The following PIK3C2A variants were observed in gnomAD, a reference collection of about 807,000 sequenced individuals.
PIK3C2A encodes the protein phosphatidylinositol-4-phosphate 3-kinase catalytic subunit type 2 alpha, also known as phosphatidylinositol 4-phosphate 3-kinase C2 domain-containing subunit alpha.
A neutral mutation model predicts 204.5 loss-of-function variants in PIK3C2A; 97 were observed. The ratio of observed to expected loss-of-function variants is 0.47; its 90% CI spans 0.40 to 0.56. The LOEUF is 0.56. Ranked by LOEUF, PIK3C2A falls within the 20% of genes least tolerant of loss-of-function variation. The pLI is 0.00. For missense variants in PIK3C2A, 1,735 were observed against 1,969.2 expected, an observed-to-expected ratio of 0.88 and a Z score of 2.25; for synonymous variants, 653 against 664.4, an observed-to-expected ratio of 0.98 and a Z score of 0.26.
chr11:17,148,795 A>C lies in PIK3C2A; in HGVS notation c.1328-8T>G. The C allele has an allele frequency of 1.2e-6, 2 of 1,604,226 alleles. No individual in the cohort carries two copies. Among genetic ancestry groups the C allele is most frequent in the Non-Finnish European group, 1.7e-6 (2 of 1,173,512 alleles). On this transcript the variant is annotated splice_region_variant and splice_polypyrimidine_tract_variant and intron_variant, in intron 4 of 32. Coordinates refer to ENST00000691414, the MANE Select transcript of PIK3C2A (RefSeq NM_002645.4). ...TTTCTACAGTAGAACTCACTGTAAAAGAGTTAGTCATTATTTTCACTTTGC... is the reference window on the plus strand; with the variant it reads ...TTTCTACAGTAGAACTCACTGTAAACGAGTTAGTCATTATTTTCACTTTGC...
chr11:17,188,425 T>C (rs560028498), intron 1 of PIK3C2A, among the ~76,000 whole-genome samples: 5 of 146,634 alleles, frequency 3.4e-5, no homozygotes, highest in Admixed American at 1.3e-4. Flanking sequence ...AGCCCTTTAA[T>C]AGAGAGAGAG....
At chr11:17,186,721 A>G (rs1224944928) in intron 1 of PIK3C2A, among the ~76,000 whole-genome samples, 1 of 152,216 alleles carries the variant, frequency 6.6e-6, no homozygotes, top group Non-Finnish European at 1.5e-5. Context: ...GTCAGACCAA[A>G]ACACATTCCT....
At chr11:17,172,538 T>C (rs1429321357) in intron 1 of PIK3C2A, among the ~76,000 whole-genome samples, 1 of 152,232 alleles carries the variant, frequency 6.6e-6, no homozygotes. Flanking sequence ...CAGAATCATT[T>C]TGGAATGATT....
At chr11:17,168,066 A>C (rs559754931) in intron 2 of PIK3C2A, among the ~76,000 whole-genome samples, 1 of 152,230 alleles carries the variant, frequency 6.6e-6, no homozygotes, top group Non-Finnish European at 1.5e-5. Context: ...ATATGTAATG[A>C]GGAGACATGG....
At chr11:17,106,327 A>G (rs61879699) in intron 22 of PIK3C2A, among the ~76,000 whole-genome samples, 13,517 of 145,998 alleles carry the variant, frequency 0.093, 783 homozygotes, top group Middle Eastern at 0.24. Flanking sequence ...CATGAGAATT[A>G]CTTGAACCCA....
At chr11:17,149,021 A>T (rs574880142) in intron 4 of PIK3C2A, among the ~76,000 whole-genome samples, 90 of 152,286 alleles carry the variant, frequency 5.9e-4, no homozygotes, top group African/African-American at 1.9e-3. Context: ...CCCTCTATAT[A>T]TGTTGGTTCT....
chr11:17,130,404 TAAAAG>T (rs901357934), intron 12 of PIK3C2A, among the ~76,000 whole-genome samples: 22 of 152,104 alleles, frequency 1.4e-4, no homozygotes, highest in Non-Finnish European at 2.6e-4. Context: ...TTTTATAATA[TAAAAG>T]AAAATAAGAC....
intron 8 of PIK3C2A, among the ~76,000 whole-genome samples, chr11:17,140,304 T>TC (rs1267122673): frequency 1.3e-5 from 2 of 152,058 alleles, no homozygotes; most frequent in African/African-American, 4.8e-5. Context: ...CTTCTTGATC[T>TC]CCCCCTAAAA....
intron 1 of PIK3C2A, among the ~76,000 whole-genome samples, chr11:17,192,692 C>A (rs1412264727): frequency 6.6e-6 from 1 of 152,158 alleles, no homozygotes; most frequent in Non-Finnish European, 1.5e-5. Context: ...AGTGATCTGC[C>A]CTCCTCAGCC....
chr11:17,192,898 T>A (rs1216209176), intron 1 of PIK3C2A, among the ~76,000 whole-genome samples: 2 of 152,258 alleles, frequency 1.3e-5, no homozygotes, highest in African/African-American at 4.8e-5. Flanking sequence ...GAAATTTAAT[T>A]GCCATTGTGA....
chr11:17,174,769 C>T (rs1055926000), intron 1 of PIK3C2A, among the ~76,000 whole-genome samples: 2 of 151,812 alleles, frequency 1.3e-5, no homozygotes, highest in Admixed American at 6.6e-5. Context: ...TGTGGTGGCA[C>T]GCCAGGCCTG....
rs1302180723 is a variant in PIK3C2A, at chr11:17,094,283, A to G, written c.4429T>C (p.Phe1477Leu). The G allele has an allele frequency of 6.2e-7, 1 of 1,611,110 alleles. No homozygotes were observed. The highest frequency in any genetic ancestry group is 8.5e-7 in the Non-Finnish European group (1 of 1,177,490). The change falls in exon 28 of 33, where the codon TTT (phenylalanine) becomes CTT (leucine). Residue 1477 changes from phenylalanine to leucine, a missense_variant. Around this residue, in one of 6 missense-constraint regions of PIK3C2A, gnomAD observed 503 missense variants for 669.0 expected, o/e 0.75. Transcript: ENST00000691414. Reference protein sequence around the residue: ...QELHNKLSIIFPLWKLPGFPN... With the variant: ...QELHNKLSIILPLWKLPGFPN... The stretch of plus-strand genomic sequence containing the variant: ...TACCCTGGTAACTTCCAAAGTGGAA[A>G]AATAATACTGAGCTTATTGTGAAGT...
At chr11:17,148,302 T>C (rs1463634571) in intron 5 of PIK3C2A, 1 of 160,414 alleles carries the variant, frequency 6.2e-6, no homozygotes, top group Non-Finnish European at 1.4e-5. Context: ...CACAGCTGAC[T>C]ACTGTGCATA....
rs1313112941 is a variant in PIK3C2A, at chr11:17,169,695, GA to G, written c.46del (p.Ser16HisfsTer24). 1 of 1,608,836 alleles carries G rather than the reference GA, an allele frequency of 6.2e-7. No individual in the cohort carries two copies. The highest frequency in any genetic ancestry group is 8.5e-7 in the Non-Finnish European group (1 of 1,179,722). The stretch of plus-strand genomic sequence containing the variant: ...TTTTGCTCTTGTTGGTTCCGGATGT[GA>G]AGATGGACATTCTTTAAATCCGCTG... ...SNSGFKECPS[S>X]HPEPTRAKDV... On this transcript the variant is annotated frameshift_variant, in exon 2 of 33. Transcript: ENST00000691414. LOFTEE classifies it high-confidence loss of function.
chr11:17,203,942 C>G (rs925928615), intron 1 of PIK3C2A, among the ~76,000 whole-genome samples: 1 of 152,072 alleles, frequency 6.6e-6, no homozygotes, highest in African/African-American at 2.4e-5. Flanking sequence ...GGCGTGGTGG[C>G]GGGCGCCTGT....
At chr11:17,138,522 G>C (rs1246568635) in intron 8 of PIK3C2A, among the ~76,000 whole-genome samples, 1 of 152,114 alleles carries the variant, frequency 6.6e-6, no homozygotes, top group Non-Finnish European at 1.5e-5. Context: ...CTAAGGTTCG[G>C]GGAGAGACTT....
intron 1 of PIK3C2A, among the ~76,000 whole-genome samples, chr11:17,181,497 T>A (rs982362896): frequency 2.0e-5 from 3 of 151,050 alleles, no homozygotes; most frequent in Non-Finnish European, 4.4e-5. Context: ...AGGCGCTGGG[T>A]GTGGCATGCC....
At position 17,112,680 on chromosome 11, in the gene PIK3C2A, A is replaced by C; in HGVS notation, c.3322-14T>G. The C allele has an allele frequency of 7.5e-7, 1 of 1,332,222 alleles. No individual in the cohort carries two copies. Among genetic ancestry groups the C allele is most frequent in the Non-Finnish European group, 1.0e-6 (1 of 972,898 alleles). The allele number at this position is 1,332,222 out of a possible 1,614,324, so 82.5% of individuals were successfully genotyped here. A position where few individuals can be genotyped will look rare whatever the true frequency, so the allele number is the denominator to read the frequency against. On this transcript the variant is annotated splice_polypyrimidine_tract_variant and intron_variant, in intron 20 of 32. Transcript: ENST00000691414. Reference sequence around the variant, plus strand: ...GAAGGAACACGACTGCAAATACAACATGTTAAGCATTAGAAAGATAAATGA... The same window carrying C: ...GAAGGAACACGACTGCAAATACAACCTGTTAAGCATTAGAAAGATAAATGA...
chr11:17,117,709 T>C (rs1026382769), intron 18 of PIK3C2A, 38 bp from the exon 19 acceptor site: 1 of 264,290 alleles, frequency 3.8e-6, no homozygotes, highest in Non-Finnish European at 5.3e-6. Context: ...CACGTCTTGG[T>C]TTTTTTTTTT....
Sources: allele counts gnomAD v4.1 joint callset (sites outside exome capture counted in the v4.1 genomes callset), GRCh38; gene constraint gnomAD v4.1.1; regional missense constraint gnomAD v4.1.1; transcripts MANE v1.5; gene names NCBI Gene and HGNC (gene_info 2026-07-23, HGNC 2026-07-21).